QTMAN: variants seen among roughly 807,000 people sequenced by gnomAD.
QTMAN encodes queuosine-tRNA mannosyltransferase.
the QTMAN span, among the ~76,000 whole-genome samples, chr2:143,974,414 T>C: frequency 5.9e-5 from 9 of 152,222 alleles, no homozygotes; most frequent in African/African-American, 2.2e-4. Flanking sequence ...GCATTGTTTA[T>C]AATGGCAACC....
the QTMAN span, among the ~76,000 whole-genome samples, chr2:144,027,350 T>A: frequency 6.6e-6 from 1 of 152,218 alleles, no homozygotes; most frequent in Non-Finnish European, 1.5e-5. Flanking sequence ...TCATTTACCC[T>A]AATGAAAAAT....
the QTMAN span, among the ~76,000 whole-genome samples, chr2:144,095,921 T>A: frequency 1.3e-5 from 2 of 152,266 alleles, no homozygotes; most frequent in South Asian, 4.1e-4. Context: ...AGTTTCAGAA[T>A]GTGGTAGAAG....
the QTMAN span, among the ~76,000 whole-genome samples, chr2:143,997,854 G>A: frequency 7.9e-5 from 12 of 151,942 alleles, no homozygotes; most frequent in Non-Finnish European, 1.5e-4. Context: ...GCTACCTTAA[G>A]TGCCTTGATT....
the QTMAN span, among the ~76,000 whole-genome samples, chr2:143,976,982 C>A: frequency 2.0e-5 from 3 of 152,160 alleles, no homozygotes; most frequent in African/African-American, 7.2e-5. Flanking sequence ...CCGTGTGCAA[C>A]CTCAGTTTCT....
the QTMAN span, among the ~76,000 whole-genome samples, chr2:144,300,397 C>T: frequency 2.0e-5 from 3 of 152,030 alleles, no homozygotes; most frequent in Non-Finnish European, 2.9e-5. Context: ...AGCCACTATC[C>T]TATATCCAAC....
the QTMAN span, among the ~76,000 whole-genome samples, chr2:144,119,796 C>T: frequency 6.6e-6 from 1 of 152,096 alleles, no homozygotes; most frequent in African/African-American, 2.4e-5. Flanking sequence ...CTCTTCTCTT[C>T]TTTTTTCTTC....
At chr2:144,235,317 T>C in the QTMAN span, among the ~76,000 whole-genome samples, 2 of 152,048 alleles carry the variant, frequency 1.3e-5, no homozygotes, top group Non-Finnish European at 2.9e-5. Context: ...CCAAGCTAAC[T>C]CAATTACAAA....
At chr2:144,206,484 TA>T in the QTMAN span, among the ~76,000 whole-genome samples, 2 of 152,184 alleles carry the variant, frequency 1.3e-5, no homozygotes, top group Non-Finnish European at 2.9e-5. Flanking sequence ...AGTTACTTGG[TA>T]AAGAGTAGAG....
the QTMAN span, among the ~76,000 whole-genome samples, chr2:144,244,602 TTGTC>T: frequency 6.6e-6 from 1 of 152,332 alleles, no homozygotes; most frequent in East Asian, 1.9e-4. Flanking sequence ...GATACTAATA[TTGTC>T]TTAGTAAGTA....
the QTMAN span, among the ~76,000 whole-genome samples, chr2:144,048,236 G>GATC: frequency 6.6e-6 from 1 of 152,304 alleles, no homozygotes; most frequent in Non-Finnish European, 1.5e-5. Context: ...ACAGCCAAGT[G>GATC]ATCAGCTCAG....
chr2:144,102,131 T>C, the QTMAN span, among the ~76,000 whole-genome samples: 2 of 152,246 alleles, frequency 1.3e-5, no homozygotes, highest in Non-Finnish European at 2.9e-5. Flanking sequence ...CAGAGCTTGG[T>C]CTTTAAATAA....
At chr2:144,033,754 A>G in the QTMAN span, among the ~76,000 whole-genome samples, 2 of 152,160 alleles carry the variant, frequency 1.3e-5, no homozygotes, top group African/African-American at 4.8e-5. Flanking sequence ...CAAAAGTCAC[A>G]TGGGCATGAA....
the QTMAN span, among the ~76,000 whole-genome samples, chr2:144,228,337 A>C: frequency 6.6e-6 from 1 of 152,196 alleles, no homozygotes; most frequent in African/African-American, 2.4e-5. Flanking sequence ...AGAATTTTGA[A>C]TGTACACTTT....
the QTMAN span, among the ~76,000 whole-genome samples, chr2:143,960,837 A>C: frequency 6.6e-6 from 1 of 152,180 alleles, no homozygotes; most frequent in African/African-American, 2.4e-5. Flanking sequence ...TAGAAAACAA[A>C]GTGTATTGAA....
At chr2:144,251,762 G>A in the QTMAN span, among the ~76,000 whole-genome samples, 1 of 152,130 alleles carries the variant, frequency 6.6e-6, no homozygotes, top group Non-Finnish European at 1.5e-5. Context: ...TCTGCTCTGT[G>A]AAAGACACTC....
the QTMAN span, among the ~76,000 whole-genome samples, chr2:143,984,556 C>T: frequency 6.6e-6 from 1 of 152,080 alleles, no homozygotes; most frequent in Non-Finnish European, 1.5e-5. Context: ...GGATGGTGTC[C>T]CTGTCAAGGG....
chr2:144,252,257 C>G, the QTMAN span, among the ~76,000 whole-genome samples: 1 of 152,010 alleles, frequency 6.6e-6, no homozygotes, highest in Non-Finnish European at 1.5e-5. Flanking sequence ...CACCTGTAGT[C>G]CCAGTTATTG....
chr2:144,184,468 G>A, the QTMAN span, among the ~76,000 whole-genome samples: 1 of 152,072 alleles, frequency 6.6e-6, no homozygotes, highest in Non-Finnish European at 1.5e-5. Context: ...AAAATAAGGA[G>A]CTATAATGCT....
chr2:144,145,707 G>A, the QTMAN span: 1 of 1,611,366 alleles, frequency 6.2e-7, no homozygotes, highest in Non-Finnish European at 8.5e-7. Context: ...AGCCAGTTCG[G>A]TCAGGTTAAG....
Sources: gnomAD v4.1 joint callset for allele counts (sites outside exome capture counted in the v4.1 genomes callset) on GRCh38, gnomAD v4.1.1 for gene constraint, MANE v1.5 for transcripts, NCBI Gene and HGNC (gene_info 2026-07-23, HGNC 2026-07-21) for gene names.